Variants in COL25A1 observed in about 807,000 individuals in gnomAD.
COL25A1 encodes collagen alpha-1(XXV) chain.
In COL25A1, 103 loss-of-function variants were observed where a neutral mutation model predicts 128.4. The ratio of observed to expected loss-of-function variants is 0.80; its 90% CI spans 0.68 to 0.94. The LOEUF (loss-of-function observed/expected upper bound fraction) is 0.94, where lower values mean the gene tolerates loss of function less well. Ranked by LOEUF, COL25A1 falls within the 40% of genes least tolerant of loss-of-function variation. The pLI, the probability that COL25A1 is intolerant of heterozygous loss-of-function variation, is 0.00. For missense variants in COL25A1, 745 were observed against 840.0 expected, an observed-to-expected ratio of 0.89 and a Z score of 1.40; for synonymous variants, 279 against 277.2, an observed-to-expected ratio of 1.01 and a Z score of -0.06.
chr4:108,817,290 A>C, intron 37 of COL25A1, 107 bp downstream of exon 37: 1 of 958,478 alleles, frequency 1.0e-6, no homozygotes, highest in Non-Finnish European at 1.6e-6. Context: ...TGGAGATGAA[A>C]TCTTTTGCTT....
intron 3 of COL25A1, among the ~76,000 whole-genome samples, chr4:109,240,719 G>C (rs10015317): frequency 0.56 from 84,356 of 151,898 alleles, 25,797 homozygotes; most frequent in African/African-American, 0.79. Flanking sequence ...GAGTTCAAAC[G>C]CTGATGCTGT....
rs1400539984 is a variant in COL25A1, at chr4:108,852,121, T to C, written c.1389+115A>G. ...TTTTCTTCGCTCTCTAAAACAATAC[T>C]GTTGATCTCAGCTTCTTCAGCATTT... On this transcript the variant is annotated intron_variant, in intron 26 of 37. Coordinates refer to ENST00000399132, the MANE Select transcript of COL25A1 (RefSeq NM_198721.4). 5 of 794,390 alleles carry C rather than the reference T, an allele frequency of 6.3e-6. No individual in the cohort carries two copies. In the South Asian group the frequency reaches 6.5e-5, roughly 10 times the overall value. The allele number at this position is 794,390 out of a possible 1,614,324, so 49.2% of individuals were successfully genotyped here.
intron 3 of COL25A1, among the ~76,000 whole-genome samples, chr4:109,135,136 T>A (rs918091457): frequency 3.3e-5 from 5 of 150,288 alleles, no homozygotes; most frequent in African/African-American, 1.2e-4. Context: ...AAAAGTCCAA[T>A]AAGATCAGGT....
At chr4:109,174,997 T>C (rs1415654999) in intron 3 of COL25A1, among the ~76,000 whole-genome samples, 3 of 152,070 alleles carry the variant, frequency 2.0e-5, no homozygotes, top group Admixed American at 1.3e-4. Flanking sequence ...GGGATCTAGG[T>C]TGTGCACTCC....
chr4:108,931,953 G>A (rs1398342994), intron 11 of COL25A1, among the ~76,000 whole-genome samples: 1 of 152,190 alleles, frequency 6.6e-6, no homozygotes, highest in Non-Finnish European at 1.5e-5. Context: ...CAGGCAGTGT[G>A]CACAACTGAA....
At chr4:109,046,320 A>G (rs567853374) in intron 5 of COL25A1, among the ~76,000 whole-genome samples, 3 of 152,356 alleles carry the variant, frequency 2.0e-5, no homozygotes, top group African/African-American at 7.2e-5. Context: ...CTTTAGGTAG[A>G]AAATTTGGAC....
chr4:109,059,761 C>T (rs1034231815), intron 3 of COL25A1, among the ~76,000 whole-genome samples: 3 of 152,074 alleles, frequency 2.0e-5, no homozygotes, highest in African/African-American at 7.2e-5. Flanking sequence ...TTTGAAGTGA[C>T]AGAAATAAGA....
At chr4:109,012,862 G>A (rs1274356788) in intron 5 of COL25A1, among the ~76,000 whole-genome samples, 5 of 152,230 alleles carry the variant, frequency 3.3e-5, no homozygotes, top group South Asian at 2.1e-4. Context: ...GTGCAGGCGC[G>A]TGGCATGGAA....
At chr4:109,058,008 G>C (rs1469349308) in intron 3 of COL25A1, among the ~76,000 whole-genome samples, 4 of 152,174 alleles carry the variant, frequency 2.6e-5, no homozygotes, top group Non-Finnish European at 4.4e-5. Context: ...GCTTTATATA[G>C]ATGCTTTGTT....
At chr4:109,021,435 C>T (rs1402765128) in intron 5 of COL25A1, among the ~76,000 whole-genome samples, 3 of 152,186 alleles carry the variant, frequency 2.0e-5, no homozygotes, top group Admixed American at 6.5e-5. Flanking sequence ...TTATGCCTGT[C>T]TTACTTTAAT....
chr4:109,046,149 TC>T (rs1760407555), intron 5 of COL25A1, among the ~76,000 whole-genome samples: 1 of 152,192 alleles, frequency 6.6e-6, no homozygotes, highest in Non-Finnish European at 1.5e-5. Context: ...AGCCTCAGTT[TC>T]CTCACTGAAC....
At chr4:109,111,068 C>G (rs1299318559) in intron 3 of COL25A1, among the ~76,000 whole-genome samples, 1 of 152,206 alleles carries the variant, frequency 6.6e-6, no homozygotes, top group African/African-American at 2.4e-5. Flanking sequence ...CCTTCAAAAT[C>G]TTTCTCTGGC....
intron 3 of COL25A1, among the ~76,000 whole-genome samples, chr4:109,179,709 A>C (rs1471231535): frequency 1.3e-5 from 2 of 152,204 alleles, no homozygotes; most frequent in Non-Finnish European, 2.9e-5. Context: ...ATTTTTCTTA[A>C]TGTGGTCTTC....
intron 3 of COL25A1, among the ~76,000 whole-genome samples, chr4:109,265,395 C>A (rs937055810): frequency 2.0e-5 from 3 of 152,108 alleles, no homozygotes. Context: ...ACTATGCTTT[C>A]TCTTTAGTAT....
Position 109,105,670 on chromosome 4 carries a change from C to A in COL25A1, c.368-55491G>T, listed in dbSNP as rs147215567. ...GAAAAAGTGGATAAATAAGGCTTCA[C>A]AACTTGGAAATATGCCATTTTCCTG... is the stretch of plus-strand genomic sequence containing the variant. On this transcript the variant is annotated intron_variant, in intron 3 of 37. Transcript: ENST00000399132. Among the ~76,000 whole-genome samples the A allele has an allele frequency of 5.2e-3, 796 of 152,240 alleles. 4 individuals carry two copies. The highest frequency in any genetic ancestry group is 8.2e-3 in the Non-Finnish European group (555 of 68,010).
chr4:109,025,592 T>C (rs1209850986), intron 5 of COL25A1, among the ~76,000 whole-genome samples: 1 of 152,206 alleles, frequency 6.6e-6, no homozygotes, highest in Admixed American at 6.5e-5. Context: ...GTCAATTAAT[T>C]TATAATGCAT....
rs1468649811 is a variant in COL25A1, at chr4:108,844,569, T to C, written c.1579A>G (p.Ile527Val). Residue 527 changes from isoleucine (I) to valine (V), a missense_variant and splice_region_variant, in exon 30 of 38, where the codon ATC becomes GTC. This residue lies in a region of COL25A1 where 387 missense variants were observed against 441.9 expected (regional missense o/e 0.88). Transcript: ENST00000399132. The part of the protein sequence containing the change: ...SGMPGPQGPS[I>V]IGPPGPPGPH... ...CCTGGTGGGCCTGGTGGGCCTATGA[T>C]CTGTATGTCCAAAAAATAAAAATGT... is the stretch of plus-strand genomic sequence containing the variant. The C allele has an allele frequency of 6.2e-7, 1 of 1,609,374 alleles. No homozygotes were observed. Among genetic ancestry groups the C allele is most frequent in the South Asian group, 1.1e-5 (1 of 90,204 alleles).
intron 3 of COL25A1, among the ~76,000 whole-genome samples, chr4:109,260,924 T>A (rs986982242): frequency 3.3e-5 from 5 of 152,214 alleles, no homozygotes; most frequent in Admixed American, 6.5e-5. Flanking sequence ...ATGAAAGGAC[T>A]AGCCCAATTT....
At chr4:109,250,375 C>CACACACACACACACACACACAG (rs1419085134) in intron 3 of COL25A1, among the ~76,000 whole-genome samples, 2 of 151,350 alleles carry the variant, frequency 1.3e-5, no homozygotes, top group Admixed American at 6.6e-5. Flanking sequence ...GAGATACACA[C>CACACACACACACACACACACAG]ACACACACAC....
Sources: allele counts gnomAD v4.1 joint callset (sites outside exome capture counted in the v4.1 genomes callset), GRCh38; gene constraint gnomAD v4.1.1; regional missense constraint gnomAD v4.1.1; transcripts MANE v1.5; gene names NCBI Gene and HGNC (gene_info 2026-07-23, HGNC 2026-07-21).